The following SLC24A2 variants were observed in gnomAD, a reference collection of about 807,000 sequenced individuals.
The protein encoded by SLC24A2 is sodium/potassium/calcium exchanger 2.
A neutral mutation model predicts 62.0 loss-of-function variants in SLC24A2; 36 were observed. That is an observed-to-expected ratio of 0.58 (90% CI 0.44 to 0.77). SLC24A2 has a LOEUF of 0.77. Ranked by LOEUF, SLC24A2 falls within the 30% of genes least tolerant of loss-of-function variation. The probability of loss-of-function intolerance (pLI) is 0.00; values close to 1 mark genes in which losing one functional copy is unlikely to be tolerated. For synonymous variants in SLC24A2, 358 were observed against 294.0 expected (o/e 1.22, Z -2.23); for missense variants, 846 against 817.9 (o/e 1.03, Z -0.42).
At chr9:19,574,373 T>C (rs1368435570) in intron 6 of SLC24A2, among the ~76,000 whole-genome samples, 1 of 152,174 alleles carries the variant, frequency 6.6e-6, no homozygotes, top group South Asian at 2.1e-4. Context: ...AGGGTAATGG[T>C]TAAGCACTGG....
the SLC24A2 span, among the ~76,000 whole-genome samples, chr9:20,085,178 T>C: frequency 6.6e-6 from 1 of 152,154 alleles, no homozygotes; most frequent in Admixed American, 6.5e-5. Flanking sequence ...AAAAATATTT[T>C]TGTAGACACA....
chr9:19,689,998 C>T (rs1015485902), intron 2 of SLC24A2, among the ~76,000 whole-genome samples: 1 of 152,156 alleles, frequency 6.6e-6, no homozygotes, highest in East Asian at 1.9e-4. Context: ...TGATCTTTTA[C>T]TGCCCTCAGT....
intron 4 of SLC24A2, among the ~76,000 whole-genome samples, chr9:19,606,644 A>ACACACACACACACG (rs958906344): frequency 6.6e-6 from 1 of 150,598 alleles, no homozygotes; most frequent in African/African-American, 2.5e-5. Flanking sequence ...ATATATGAGA[A>ACACACACACACACG]CACACACACA....
At chr9:19,997,660 T>C in the SLC24A2 span, among the ~76,000 whole-genome samples, 5 of 152,060 alleles carry the variant, frequency 3.3e-5, no homozygotes, top group Admixed American at 3.3e-4. Context: ...ATTCCACTCA[T>C]GAAAAAACAG....
intron 2 of SLC24A2, among the ~76,000 whole-genome samples, chr9:19,695,449 A>G (rs1209182280): frequency 6.6e-6 from 1 of 152,120 alleles, no homozygotes; most frequent in African/African-American, 2.4e-5. Context: ...AAACAACTGA[A>G]TAAGAAAAAA....
At chr9:19,742,281 T>C (rs1460570167) in intron 2 of SLC24A2, among the ~76,000 whole-genome samples, 1 of 152,330 alleles carries the variant, frequency 6.6e-6, no homozygotes, top group East Asian at 1.9e-4. Flanking sequence ...CAAAATGTGC[T>C]GTGGAAAGAT....
the SLC24A2 span, among the ~76,000 whole-genome samples, chr9:20,002,204 G>A: frequency 6.6e-6 from 1 of 152,036 alleles, no homozygotes; most frequent in African/African-American, 2.4e-5. Context: ...AATACCAATA[G>A]CACTACCATT....
chr9:19,989,580 T>G, the SLC24A2 span, among the ~76,000 whole-genome samples: 1 of 152,222 alleles, frequency 6.6e-6, no homozygotes, highest in Non-Finnish European at 1.5e-5. Flanking sequence ...CTATTCCTGG[T>G]CCTCCCTGTT....
At chr9:20,238,530 G>C in the SLC24A2 span, among the ~76,000 whole-genome samples, 1 of 152,196 alleles carries the variant, frequency 6.6e-6, no homozygotes, top group African/African-American at 2.4e-5. Flanking sequence ...AATTAAGTTA[G>C]TCAGAAAATA....
the SLC24A2 span, among the ~76,000 whole-genome samples, chr9:20,270,266 T>C: frequency 1.3e-5 from 2 of 152,176 alleles, no homozygotes; most frequent in Non-Finnish European, 2.9e-5. Flanking sequence ...TCAGCATGCA[T>C]TTTGGTGGGA....
chr9:20,253,612 A>G, the SLC24A2 span, among the ~76,000 whole-genome samples: 1 of 152,198 alleles, frequency 6.6e-6, no homozygotes, highest in African/African-American at 2.4e-5. Context: ...CAGTTAATTC[A>G]GAATCTAATC....
At chr9:19,983,276 C>G in the SLC24A2 span, among the ~76,000 whole-genome samples, 11 of 152,240 alleles carry the variant, frequency 7.2e-5, no homozygotes, top group African/African-American at 2.6e-4. Context: ...GATTCATATA[C>G]AGACACACAA....
chr9:20,031,576 A>G, the SLC24A2 span, among the ~76,000 whole-genome samples: 1 of 152,120 alleles, frequency 6.6e-6, no homozygotes, highest in Non-Finnish European at 1.5e-5. Flanking sequence ...CTTTTTTAAA[A>G]AAATCAAAAG....
intron 2 of SLC24A2, among the ~76,000 whole-genome samples, chr9:19,769,358 T>G (rs958089560): frequency 6.6e-5 from 10 of 152,242 alleles, no homozygotes; most frequent in African/African-American, 2.4e-4. Context: ...GTTACCCACC[T>G]GATTCATGGC....
At chr9:19,663,158 G>C (rs556101480) in intron 2 of SLC24A2, among the ~76,000 whole-genome samples, 1 of 152,306 alleles carries the variant, frequency 6.6e-6, no homozygotes, top group African/African-American at 2.4e-5. Context: ...CTGACACCCT[G>C]CAAGTGAGGG....
the SLC24A2 span, among the ~76,000 whole-genome samples, chr9:20,305,528 G>T: frequency 1.3e-5 from 2 of 152,168 alleles, no homozygotes; most frequent in African/African-American, 4.8e-5. Flanking sequence ...AACAGCTGTC[G>T]TTTTTGTCTT....
the SLC24A2 span, among the ~76,000 whole-genome samples, chr9:19,874,996 C>CAAAAAAA: frequency 1.0e-5 from 1 of 96,742 alleles, no homozygotes; most frequent in African/African-American, 4.0e-5. Flanking sequence ...TCCAGAATTA[C>CAAAAAAA]AAAAAAAAAA....
the SLC24A2 span, among the ~76,000 whole-genome samples, chr9:20,016,130 C>G: frequency 6.6e-6 from 1 of 152,214 alleles, no homozygotes; most frequent in South Asian, 2.1e-4. Flanking sequence ...AAATTGATAC[C>G]AAGTAGATCA....
chr9:19,721,398 T>C (rs1417334627), intron 2 of SLC24A2, among the ~76,000 whole-genome samples: 1 of 152,186 alleles, frequency 6.6e-6, no homozygotes, highest in East Asian at 1.9e-4. Context: ...TATTTGAAAT[T>C]ACTTATTATT....
Sources: allele counts gnomAD v4.1 joint callset (sites outside exome capture counted in the v4.1 genomes callset), GRCh38; gene constraint gnomAD v4.1.1; transcripts MANE v1.5; gene names NCBI Gene and HGNC (gene_info 2026-07-23, HGNC 2026-07-21).